The following NFASC variants were observed in gnomAD, a reference collection of about 807,000 sequenced individuals.
NFASC encodes the protein neurofascin homolog.
Under a neutral mutation model 147.5 loss-of-function variants are expected in NFASC, and 43 were observed. The observed-to-expected ratio is 0.29, with a 90% CI of 0.23 to 0.38. The LOEUF (loss-of-function observed/expected upper bound fraction) is 0.38, where lower values mean the gene tolerates loss of function less well. NFASC is among the 10% of genes least tolerant of loss of function. NFASC has a pLI of 1.00. For synonymous variants in NFASC, 622 were observed against 665.5 expected (o/e 0.93, Z 1.01); for missense variants, 1,320 against 1,689.0 (o/e 0.78, Z 3.83).
intron 21 of NFASC, among the ~76,000 whole-genome samples, chr1:204,982,247 T>C (rs1417482447): frequency 1.3e-5 from 2 of 152,198 alleles, no homozygotes; most frequent in Non-Finnish European, 2.9e-5. Context: ...CAGTCCAGAA[T>C]TCTCATTTCA....
rs531995633 is a variant in NFASC, at chr1:204,850,571, T to C, written c.-200+21789T>C. On this transcript the variant is annotated intron_variant, in intron 1 of 29. Coordinates refer to ENST00000339876, the MANE Select transcript of NFASC (RefSeq NM_001005388.3). Reference sequence around the variant, plus strand: ...TCATGGGCACAGACGTCCCCCTTGCTATTCTTGTGATAGTGAGTGAGTTCT... The same window carrying C: ...TCATGGGCACAGACGTCCCCCTTGCCATTCTTGTGATAGTGAGTGAGTTCT... 3.3e-5 allele frequency among the ~76,000 whole-genome samples: 5 copies of C among 152,364 alleles called. No homozygotes were observed. In the East Asian group the frequency reaches 9.6e-4, roughly 29 times the overall value.
At chr1:204,877,628 G>A (rs1236559308) in intron 1 of NFASC, among the ~76,000 whole-genome samples, 1 of 152,154 alleles carries the variant, frequency 6.6e-6, no homozygotes, top group Non-Finnish European at 1.5e-5. Context: ...GCCAAGAGGG[G>A]TTCCATGCAG....
At chr1:204,998,157 A>G (rs1042069046) in intron 25 of NFASC, 1 of 152,460 alleles carries the variant, frequency 6.6e-6, no homozygotes, top group Admixed American at 6.5e-5. Context: ...CTGTTCCTGT[A>G]TCATGCAGCC....
intron 8 of NFASC, chr1:204,961,984 G>T: frequency 2.8e-6 from 2 of 703,038 alleles, no homozygotes; most frequent in Non-Finnish European, 2.6e-6. Context: ...TCTTTCCTTT[G>T]CAAAAGACCA....
chr1:204,861,648 C>A (rs1472594256), intron 1 of NFASC, among the ~76,000 whole-genome samples: 2 of 152,196 alleles, frequency 1.3e-5, no homozygotes, highest in Non-Finnish European at 2.9e-5. Context: ...TGCCACCACG[C>A]CCGGCTAATT....
chr1:204,877,023 TATATAA>T (rs1435354206), intron 1 of NFASC, among the ~76,000 whole-genome samples: 3 of 101,634 alleles, frequency 3.0e-5, no homozygotes, highest in African/African-American at 1.6e-4. Context: ...TATATATATA[TATATAA>T]TATATATTTA....
intron 2 of NFASC, among the ~76,000 whole-genome samples, chr1:204,925,086 G>C (rs1161568403): frequency 1.4e-4 from 21 of 152,176 alleles, no homozygotes; most frequent in Admixed American, 1.4e-3. Context: ...TGTTGGCCAG[G>C]CTGGTCTTGA....
intron 1 of NFASC, among the ~76,000 whole-genome samples, chr1:204,910,155 G>GTATA (rs3046346): frequency 4.0e-5 from 6 of 151,616 alleles, no homozygotes; most frequent in Admixed American, 2.0e-4. Context: ...CATTAAACCA[G>GTATA]TATATATATA....
intron 2 of NFASC, among the ~76,000 whole-genome samples, chr1:204,938,656 A>G (rs2802822): frequency 0.53 from 80,133 of 152,024 alleles, 21,609 homozygotes; most frequent in Middle Eastern, 0.64. Context: ...TCTACCAGGC[A>G]GATCATTAGC....
chr1:205,007,597 G>A (rs937303196), intron 27 of NFASC, among the ~76,000 whole-genome samples: 3 of 151,598 alleles, frequency 2.0e-5, no homozygotes, highest in Non-Finnish European at 4.4e-5. Context: ...GCAGCTGGGT[G>A]GGAGTTGGGG....
Position 204,968,325 on chromosome 1 carries a change from C to A in NFASC, c.783C>A (p.Gly261=). 1 of 1,614,170 alleles carries A rather than the reference C, an allele frequency of 6.2e-7. No individual in the cohort carries two copies. Among genetic ancestry groups the A allele is most frequent in the East Asian group, 2.2e-5 (1 of 44,888 alleles). ...GTASSQMVLR[G]MDLLLECIAS... ...CGAGCAGCCAGATGGTGCTTCGTGG[C>A]ATGGACCTCCTGCTGGAATGCATCG... Residue 261 remains glycine (G), a synonymous_variant, in exon 9 of 30, where the codon GGC becomes GGA. Coordinates refer to ENST00000339876, the MANE Select transcript of NFASC (RefSeq NM_001005388.3). This position sits in a 1 kb window ranked among gnomAD's most constrained non-coding sequence, Gnocchi z 5.4.
chr1:204,959,236 A>AT (rs1168060469), intron 8 of NFASC, among the ~76,000 whole-genome samples: 2 of 151,404 alleles, frequency 1.3e-5, no homozygotes, highest in African/African-American at 4.9e-5. Context: ...CCACACACTG[A>AT]TCTGTGTTGG....
chr1:205,001,037 CTG>C (rs2095971687), intron 25 of NFASC, 131 bp from the exon 26 acceptor site: 1 of 680,764 alleles, frequency 1.5e-6, no homozygotes, highest in East Asian at 2.8e-5. Flanking sequence ...TCCTAGATGA[CTG>C]TGTGTACATG....
chr1:205,002,631 C>A lies in NFASC; in HGVS notation c.3172C>A (p.Gln1058Lys). ...GAAAAAAACTGTCCCAGTTAAGGCC[C>A]AGGCTCAGCCTATACAGCTGACAGA... is the stretch of plus-strand genomic sequence containing the variant. The part of the protein sequence containing the change: ...HTKKTVPVKA[Q>K]AQPIQLTDLY... Residue 1058 changes from glutamine to lysine, a missense_variant, in exon 27 of 30, where the codon CAG becomes AAG. This residue lies in a region of NFASC where 172 missense variants were observed against 165.8 expected (regional missense o/e 1.04). Coordinates refer to ENST00000339876, the MANE Select transcript of NFASC (RefSeq NM_001005388.3). 1 of 1,551,478 alleles carries A rather than the reference C, an allele frequency of 6.4e-7. No individual in the cohort carries two copies. The highest frequency in any genetic ancestry group is 8.8e-7 in the Non-Finnish European group (1 of 1,136,210).
At chr1:204,947,795 A>G (rs971800204) in intron 3 of NFASC, among the ~76,000 whole-genome samples, 16 of 152,032 alleles carry the variant, frequency 1.1e-4, no homozygotes, top group African/African-American at 3.6e-4. Context: ...GGCAGAAACA[A>G]TTCCTTCCCA....
rs774596460 is a variant in NFASC at position 205,018,153 on chromosome 1, G to T, written c.*1614G>T. 1 of 152,484 alleles carries T rather than the reference G, an allele frequency of 6.6e-6. No individual in the cohort carries two copies. The highest frequency in any genetic ancestry group is 1.5e-5 in the Non-Finnish European group (1 of 68,038). 9.4% of individuals were successfully genotyped at this position (152,484 alleles called of 1,614,324 possible). A position where few individuals can be genotyped will look rare whatever the true frequency, so the allele number is the denominator to read the frequency against. On this transcript the variant is annotated 3_prime_UTR_variant, in exon 30 of 30. Transcript: ENST00000339876. ...CTAGCCTCAGAGACAGAGAAGGAGA[G>T]GGGGAGATCTTGAGTCTAAGAGGAA...
At chr1:204,969,130 G>A in intron 10 of NFASC, 148 bp downstream of exon 10, 1 of 715,040 alleles carries the variant, frequency 1.4e-6, no homozygotes, top group Non-Finnish European at 2.3e-6. Flanking sequence ...CATGGATGGT[G>A]TCACTCGCTG....
chr1:204,932,757 C>T (rs191862059), intron 2 of NFASC, among the ~76,000 whole-genome samples: 23 of 152,290 alleles, frequency 1.5e-4, no homozygotes, highest in Non-Finnish European at 2.9e-4. Flanking sequence ...ACTATCTGGA[C>T]GTTTACAGAT....
intron 1 of NFASC, among the ~76,000 whole-genome samples, chr1:204,842,245 A>G (rs1247943587): frequency 6.6e-6 from 1 of 152,044 alleles, no homozygotes; most frequent in Admixed American, 6.5e-5. Context: ...TGTTCTCTTG[A>G]TATCTTCTAA....
Sources: gnomAD v4.1 joint callset for allele counts (sites outside exome capture counted in the v4.1 genomes callset) on GRCh38, gnomAD v4.1.1 for gene constraint, gnomAD v4.1.1 regional missense constraint, Gnocchi (gnomAD v3.1) non-coding constraint, MANE v1.5 for transcripts, NCBI Gene and HGNC (gene_info 2026-07-23, HGNC 2026-07-21) for gene names.